Variants in PRKCB observed in about 807,000 individuals in gnomAD.
The protein encoded by PRKCB is protein kinase C beta type.
A neutral mutation model predicts 81.5 loss-of-function variants in PRKCB; 13 were observed. That is an observed-to-expected ratio of 0.16 (90% CI 0.10 to 0.25). The LOEUF is 0.25. Among genes scored for constraint, PRKCB ranks in the 10% least tolerant of loss-of-function variants. The pLI is 1.00. For synonymous variants in PRKCB, 335 were observed against 321.4 expected (o/e 1.04, Z -0.45); for missense variants, 509 against 875.7 (o/e 0.58, Z 5.29).
rs557563909 is a variant in PRKCB, at chr16:24,131,496, G to A, written c.1065+7515G>A. 7.9e-5 allele frequency among the ~76,000 whole-genome samples: 12 copies of A among 152,326 alleles called. No individual in the cohort carries two copies. In the South Asian group the frequency reaches 2.3e-3, roughly 29 times the overall value. On this transcript the variant is annotated intron_variant, in intron 9 of 16. Coordinates refer to ENST00000643927, the MANE Select transcript of PRKCB (RefSeq NM_002738.7). ...ACTTTTGTAGCTCAAAATTCAGACC[G>A]TACAACAGAGTTGACTATAGTCTTG... is the stretch of plus-strand genomic sequence containing the variant.
At chr16:23,932,627 G>T (rs1323747586) in intron 2 of PRKCB, among the ~76,000 whole-genome samples, 1 of 152,196 alleles carries the variant, frequency 6.6e-6, no homozygotes, top group Non-Finnish European at 1.5e-5. Flanking sequence ...CAGGAATCAT[G>T]CAATGTGCAT....
chr16:24,162,529 G>T (rs1456119425), intron 10 of PRKCB, among the ~76,000 whole-genome samples: 1 of 144,010 alleles, frequency 6.9e-6, no homozygotes, highest in African/African-American at 2.6e-5. Context: ...GCTTACTGCA[G>T]CCTGGACCTC....
At chr16:23,929,920 G>A (rs763938426) in intron 2 of PRKCB, among the ~76,000 whole-genome samples, 1 of 151,948 alleles carries the variant, frequency 6.6e-6, no homozygotes, top group Admixed American at 6.5e-5. Context: ...GTGGGGCACA[G>A]CGTACTATGA....
intron 7 of PRKCB, among the ~76,000 whole-genome samples, chr16:24,103,353 T>C (rs1966533303): frequency 6.6e-6 from 1 of 152,244 alleles, no homozygotes. Flanking sequence ...AAATTTTTAA[T>C]ATTAATGTTA....
At chr16:24,020,637 T>G (rs1259592945) in intron 3 of PRKCB, among the ~76,000 whole-genome samples, 2 of 152,184 alleles carry the variant, frequency 1.3e-5, no homozygotes, top group Admixed American at 1.3e-4. Flanking sequence ...TTAAGTCACT[T>G]CCCTGAGGTC....
chr16:23,981,045 T>C (rs1231830168), intron 2 of PRKCB, among the ~76,000 whole-genome samples: 3 of 152,058 alleles, frequency 2.0e-5, no homozygotes, highest in African/African-American at 7.2e-5. Context: ...GATCTAGTGT[T>C]TCTTATTGCT....
At chr16:24,149,879 A>T (rs1001498425) in intron 9 of PRKCB, among the ~76,000 whole-genome samples, 3 of 152,256 alleles carry the variant, frequency 2.0e-5, no homozygotes, top group African/African-American at 7.2e-5. Context: ...AAATAACTTT[A>T]TTGGAGGAAC....
intron 3 of PRKCB, among the ~76,000 whole-genome samples, chr16:23,997,849 CT>C (rs1221436488): frequency 6.6e-6 from 1 of 152,020 alleles, no homozygotes; most frequent in Non-Finnish European, 1.5e-5. Flanking sequence ...TTTGGAGGTT[CT>C]TTATTTAAGA....
intron 5 of PRKCB, among the ~76,000 whole-genome samples, chr16:24,059,426 G>T (rs150392794): frequency 6.6e-6 from 1 of 152,102 alleles, no homozygotes; most frequent in Non-Finnish European, 1.5e-5. Context: ...GGGAGTCTGA[G>T]GCAGAAGGAT....
chr16:23,982,068 CT>C, intron 2 of PRKCB, among the ~76,000 whole-genome samples: 2 of 26,254 alleles, frequency 7.6e-5, no homozygotes, highest in South Asian at 2.3e-3. Flanking sequence ...TTCCCCTTCT[CT>C]TTCCCTTCCC....
At position 24,139,829 on chromosome 16, in the gene PRKCB, C is replaced by G. The variant is rs544563843; in HGVS notation, c.1066-14855C>G. Among the ~76,000 whole-genome samples the G allele has an allele frequency of 7.9e-5, 12 of 152,348 alleles. No individual in the cohort carries two copies. The South Asian group carries it at 2.3e-3, about 29-fold the overall frequency. On this transcript the variant is annotated intron_variant, in intron 9 of 16. Coordinates refer to ENST00000643927, the MANE Select transcript of PRKCB (RefSeq NM_002738.7). The stretch of plus-strand genomic sequence containing the variant: ...GCCAAGTTGTATCATCCGAGTTGAT[C>G]TATACGCCGGATATCACTGCTCTTC...
chr16:24,048,425 C>T (rs1965794037), intron 5 of PRKCB, among the ~76,000 whole-genome samples: 1 of 152,056 alleles, frequency 6.6e-6, no homozygotes, highest in South Asian at 2.1e-4. Flanking sequence ...GCACTAAGTA[C>T]ATCAGTGGAG....
At chr16:23,915,533 A>G (rs1200826889) in intron 2 of PRKCB, among the ~76,000 whole-genome samples, 2 of 151,902 alleles carry the variant, frequency 1.3e-5, no homozygotes, top group African/African-American at 4.8e-5. Flanking sequence ...AAAAAATACA[A>G]AATACAAAAA....
chr16:23,880,425 G>A (rs1196131621), intron 2 of PRKCB, among the ~76,000 whole-genome samples: 2 of 151,872 alleles, frequency 1.3e-5, no homozygotes, highest in East Asian at 1.9e-4. Context: ...GATTCTGCAC[G>A]TTTAATTTTT....
chr16:24,056,412 G>A (rs535960697), intron 5 of PRKCB, among the ~76,000 whole-genome samples: 13 of 152,358 alleles, frequency 8.5e-5, no homozygotes, highest in African/African-American at 3.1e-4. Context: ...TTGAATAGGG[G>A]CAACAATGCC....
intron 3 of PRKCB, among the ~76,000 whole-genome samples, chr16:24,002,715 C>T (rs989180596): frequency 1.3e-5 from 2 of 152,142 alleles, no homozygotes; most frequent in African/African-American, 4.8e-5. Flanking sequence ...GAGAAACAAA[C>T]TTCATCTCTG....
intron 5 of PRKCB, among the ~76,000 whole-genome samples, chr16:24,059,199 C>G (rs545441231): frequency 6.6e-6 from 1 of 152,082 alleles, no homozygotes; most frequent in Non-Finnish European, 1.5e-5. Context: ...ACAGAGCCAA[C>G]AGTATGGATG....
At chr16:23,902,235 A>C (rs909098678) in intron 2 of PRKCB, among the ~76,000 whole-genome samples, 1 of 152,206 alleles carries the variant, frequency 6.6e-6, no homozygotes, top group African/African-American at 2.4e-5. Flanking sequence ...AGAAGATCCA[A>C]GAAGACAATG....
At chr16:23,952,094 G>T (rs1318756999) in intron 2 of PRKCB, among the ~76,000 whole-genome samples, 3 of 152,142 alleles carry the variant, frequency 2.0e-5, no homozygotes, top group Admixed American at 2.0e-4. Flanking sequence ...TGTAAACGTG[G>T]TATAAAACAG....
Sources: allele counts gnomAD v4.1 joint callset (sites outside exome capture counted in the v4.1 genomes callset), GRCh38; gene constraint gnomAD v4.1.1; transcripts MANE v1.5; gene names NCBI Gene and HGNC (gene_info 2026-07-23, HGNC 2026-07-21).